VIT: variants seen among roughly 807,000 people sequenced by gnomAD.
VIT encodes the protein vitrin.
Under a neutral mutation model 78.0 loss-of-function variants are expected in VIT, and 99 were observed. The observed-to-expected ratio is 1.27, with a 90% CI of 1.08 to 1.50. VIT has a LOEUF of 1.50. VIT is among the 40% of genes most tolerant of loss of function. The probability of loss-of-function intolerance (pLI) is 0.00; values close to 1 mark genes in which losing one functional copy is unlikely to be tolerated. For missense variants in VIT, 1,126 were observed against 875.3 expected (o/e 1.29, Z -3.61); for synonymous variants, 374 against 334.3 (o/e 1.12, Z -1.29).
chr2:36,767,877 T>C (rs1311955359), intron 7 of VIT, among the ~76,000 whole-genome samples: 1 of 152,232 alleles, frequency 6.6e-6, no homozygotes, highest in African/African-American at 2.4e-5. Context: ...CCTAAGTTAA[T>C]AAGCATCTAT....
In VIT at chr2:36,808,463, G is replaced by T; in HGVS notation, c.1390-9G>T. 6.3e-7 allele frequency: 1 copy of T among 1,591,710 alleles called. No individual in the cohort carries two copies. Among genetic ancestry groups the T allele is most frequent in the South Asian group, 1.1e-5 (1 of 89,354 alleles). ...GACGTGGCGTGGGTCCCTCCCCTCT[G>T]TCTTCTAGGCCGTGTGCAGAACAAA... On this transcript the variant is annotated splice_polypyrimidine_tract_variant and intron_variant, in intron 14 of 15. Coordinates refer to ENST00000379242, the MANE Select transcript of VIT (RefSeq NM_053276.4).
At chr2:36,760,214 C>T (rs1669027198) in intron 6 of VIT, among the ~76,000 whole-genome samples, 1 of 151,954 alleles carries the variant, frequency 6.6e-6, no homozygotes, top group Admixed American at 6.6e-5. Context: ...AGGATGGTCT[C>T]GATCTCTTGA....
chr2:36,781,734 G>A lies in VIT; in HGVS notation c.810G>A (p.Met270Ile). 6.2e-7 allele frequency: 1 copy of A among 1,614,110 alleles called. No homozygotes were observed. Among genetic ancestry groups the A allele is most frequent in the Non-Finnish European group, 8.5e-7 (1 of 1,180,022 alleles). Residue 270 changes from methionine to isoleucine, a missense_variant, in exon 10 of 16, where the codon ATG becomes ATA. Physicochemically the swap from Met to Ile is conservative, Grantham distance 10. Coordinates refer to ENST00000379242, the MANE Select transcript of VIT (RefSeq NM_053276.4). ...TTCAATTTTGAAAATCAGGAGAGATGGACTCATGGAAACCTGGATCGGTCC... is the reference window on the plus strand; with the variant it reads ...TTCAATTTTGAAAATCAGGAGAGATAGACTCATGGAAACCTGGATCGGTCC... ...PVGADVSLGE[M>I]DSWKPGSVLL...
chr2:36,716,175 G>A (rs1666120995), intron 1 of VIT, among the ~76,000 whole-genome samples, 178 bp from the exon 2 acceptor site: 1 of 152,162 alleles, frequency 6.6e-6, no homozygotes, highest in African/African-American at 2.4e-5. Context: ...AGCATCTCTG[G>A]GTACCAGCAA....
At chr2:36,704,282 G>T (rs1665272612) in intron 1 of VIT, among the ~76,000 whole-genome samples, 1 of 152,082 alleles carries the variant, frequency 6.6e-6, no homozygotes, top group Non-Finnish European at 1.5e-5. Context: ...TGATGAATGG[G>T]TGCAATAGTC....
chr2:36,745,639 A>G (rs921770922), intron 4 of VIT, among the ~76,000 whole-genome samples: 1 of 152,044 alleles, frequency 6.6e-6, no homozygotes, highest in Non-Finnish European at 1.5e-5. Context: ...AATGCTACTG[A>G]TTTTTATATA....
At chr2:36,766,198 T>C (rs1005332175) in intron 6 of VIT, among the ~76,000 whole-genome samples, 2 of 152,180 alleles carry the variant, frequency 1.3e-5, no homozygotes, top group Admixed American at 1.3e-4. Flanking sequence ...AGAGAAGTGA[T>C]CTAAATCATC....
chr2:36,765,396 G>A lies in VIT; in HGVS notation c.488-1698G>A, dbSNP rs116302963. ...TCATGGCAGAAGGGGAAGCAGGCAT[G>A]TCTTACATGGCAGCAGGCGAGAGAG... On this transcript the variant is annotated intron_variant, in intron 6 of 15. Coordinates refer to ENST00000379242, the MANE Select transcript of VIT (RefSeq NM_053276.4). 9.5e-3 allele frequency among the ~76,000 whole-genome samples: 1,378 copies of A among 145,740 alleles called. 25 individuals are homozygous for A. Among genetic ancestry groups the A allele is most frequent in the African/African-American group, 0.033 (1,318 of 39,736 alleles).
intron 10 of VIT, 45 bp downstream of exon 10, chr2:36,781,816 C>T (rs776654468): frequency 4.4e-6 from 7 of 1,606,042 alleles, no homozygotes; most frequent in African/African-American, 1.3e-5. Flanking sequence ...GATCAAGATG[C>T]GCAGGATAGC....
intron 1 of VIT, among the ~76,000 whole-genome samples, chr2:36,709,561 A>G (rs967395714): frequency 6.6e-6 from 1 of 152,192 alleles, no homozygotes; most frequent in African/African-American, 2.4e-5. Flanking sequence ...TTATTTTTTA[A>G]TGATTAATGG....
intron 1 of VIT, 69 bp from the exon 2 acceptor site, chr2:36,716,284 C>A (rs1487141790): frequency 3.8e-6 from 5 of 1,330,624 alleles, no homozygotes; most frequent in Admixed American, 1.7e-5. Context: ...TCTATCCCCA[C>A]ACACTCTGTG....
At position 36,774,986 on chromosome 2, in the gene VIT, T is replaced by C. The variant is rs532473101; in HGVS notation, c.737-16T>C. ...TGGTTGTGTGTAAATCGGCTGACCCTGTGTAATCCCCTCAGGTATCCAAAG... is the reference window on the plus strand; with the variant it reads ...TGGTTGTGTGTAAATCGGCTGACCCCGTGTAATCCCCTCAGGTATCCAAAG... On this transcript the variant is annotated splice_polypyrimidine_tract_variant and intron_variant, in intron 8 of 15. Transcript: ENST00000379242. 107 of 1,613,874 alleles carry C rather than the reference T, an allele frequency of 6.6e-5. No individual in the cohort carries two copies. The South Asian group carries it at 1.0e-3, about 16-fold the overall frequency.
intron 4 of VIT, among the ~76,000 whole-genome samples, chr2:36,751,701 G>A (rs1469136604): frequency 6.6e-6 from 1 of 152,030 alleles, no homozygotes; most frequent in African/African-American, 2.4e-5. Context: ...TAAATGAGGG[G>A]AGAAGGGCAG....
chr2:36,810,632 A>ATT (rs35104207), intron 15 of VIT, among the ~76,000 whole-genome samples: 256 of 141,904 alleles, frequency 1.8e-3, no homozygotes, highest in African/African-American at 5.8e-3. Flanking sequence ...CTGTGCCTAA[A>ATT]TTTTTTTTTT....
chr2:36,755,684 T>C (rs1052200106), intron 5 of VIT, among the ~76,000 whole-genome samples: 1 of 152,212 alleles, frequency 6.6e-6, no homozygotes, highest in Non-Finnish European at 1.5e-5. Flanking sequence ...TAACAAGTAT[T>C]ACATTAGTAA....
chr2:36,808,791 A>G lies in VIT; in HGVS notation c.1709A>G (p.Lys570Arg), dbSNP rs2072526. ...LEFGFDKYSS[K>R]PDILNAIKRV... ...TTTGGGTTCGACAAGTACAGCAGCAAGCCTGACATCCTCAACGCCATCAAG... is the reference window on the plus strand; with the variant it reads ...TTTGGGTTCGACAAGTACAGCAGCAGGCCTGACATCCTCAACGCCATCAAG... Residue 570 changes from lysine to arginine, a missense_variant, in exon 15 of 16, where the codon AAG (lysine) becomes AGG (arginine). Physicochemically the swap from Lys to Arg is conservative, Grantham distance 26. Coordinates refer to ENST00000379242, the MANE Select transcript of VIT (RefSeq NM_053276.4). The G allele has an allele frequency of 0.062, 99,287 of 1,614,004 alleles. 6,403 individuals are homozygous for G. The highest frequency in any genetic ancestry group is 0.26 in the East Asian group (11,721 of 44,866).
chr2:36,761,179 C>T (rs1306238488), intron 6 of VIT, among the ~76,000 whole-genome samples: 2 of 152,196 alleles, frequency 1.3e-5, no homozygotes, highest in South Asian at 2.1e-4. Context: ...GCCCACCTGC[C>T]CTCCTGGCAG....
intron 15 of VIT, among the ~76,000 whole-genome samples, chr2:36,811,109 C>A (rs986990841): frequency 6.6e-6 from 1 of 152,146 alleles, no homozygotes; most frequent in African/African-American, 2.4e-5. Flanking sequence ...TTTATGGAGC[C>A]TGTAGGGCAC....
intron 6 of VIT, chr2:36,759,247 GT>G: frequency 6.6e-7 from 1 of 1,507,788 alleles, no homozygotes; most frequent in Non-Finnish European, 8.9e-7. Context: ...TTTATTTTTT[GT>G]TTTTGCAATT....
Sources: allele counts gnomAD v4.1 joint callset (sites outside exome capture counted in the v4.1 genomes callset), GRCh38; gene constraint gnomAD v4.1.1; transcripts MANE v1.5; gene names NCBI Gene and HGNC (gene_info 2026-07-23, HGNC 2026-07-21).